Variants in RERE observed in about 807,000 individuals in gnomAD.
The protein encoded by RERE is arginine-glutamic acid dipeptide repeats.
Under a neutral mutation model 146.1 loss-of-function variants are expected in RERE, and 40 were observed. The ratio of observed to expected loss-of-function variants is 0.27; its 90% CI spans 0.21 to 0.36. RERE has a LOEUF of 0.36. RERE is among the 10% of genes least tolerant of loss of function. RERE has a pLI of 1.00. For missense variants in RERE, 1,933 were observed against 2,138.7 expected (o/e 0.90, Z 1.90); for synonymous variants, 1,003 against 866.0 (o/e 1.16, Z -2.78).
intron 7 of RERE, among the ~76,000 whole-genome samples, chr1:8,528,715 C>T (rs760096173): frequency 2.0e-5 from 3 of 152,070 alleles, no homozygotes; most frequent in Non-Finnish European, 4.4e-5. Context: ...AATTCCCCCT[C>T]CCCCACCAAA....
chr1:8,653,247 G>A (rs1280772809), intron 2 of RERE, among the ~76,000 whole-genome samples: 4 of 152,108 alleles, frequency 2.6e-5, no homozygotes, highest in Admixed American at 6.5e-5. Flanking sequence ...CCAGAATAAC[G>A]TTCCATATTA....
intron 3 of RERE, among the ~76,000 whole-genome samples, chr1:8,618,768 T>G (rs1423485646): frequency 6.6e-6 from 1 of 152,236 alleles, no homozygotes; most frequent in East Asian, 1.9e-4. Context: ...TAATAAGACA[T>G]AATTACTCAT....
intron 11 of RERE, among the ~76,000 whole-genome samples, chr1:8,426,143 C>G (rs1367668264): frequency 6.6e-6 from 1 of 152,124 alleles, no homozygotes; most frequent in Non-Finnish European, 1.5e-5. Flanking sequence ...ATCATAAAGT[C>G]CTCAGTATTC....
chr1:8,678,509 A>G (rs1405180873), intron 1 of RERE, among the ~76,000 whole-genome samples: 1 of 150,540 alleles, frequency 6.6e-6, no homozygotes, highest in Non-Finnish European at 1.5e-5. Flanking sequence ...AAAATTAGCC[A>G]GGCATGGTGG....
intron 10 of RERE, among the ~76,000 whole-genome samples, chr1:8,492,851 A>C (rs1345253332): frequency 6.6e-6 from 1 of 152,228 alleles, no homozygotes; most frequent in Non-Finnish European, 1.5e-5. Context: ...TTGAGGCTGC[A>C]GTGAGCCAAG....
At position 8,436,003 on chromosome 1, in the gene RERE, C is replaced by G. The variant is rs531459492; in HGVS notation, c.1204-13196G>C. Among the ~76,000 whole-genome samples the G allele has an allele frequency of 6.8e-4, 104 of 152,288 alleles. 1 individual carries two copies. The highest frequency in any genetic ancestry group is 1.1e-3 in the Non-Finnish European group (73 of 68,028). On this transcript the variant is annotated intron_variant, in intron 11 of 22. Transcript: ENST00000400908. ...CCAAATGCCTCTTGCCAATTATGGCCACACAGCTACGCCCAAATTAAAAAT... is the reference window on the plus strand; with the variant it reads ...CCAAATGCCTCTTGCCAATTATGGCGACACAGCTACGCCCAAATTAAAAAT...
At chr1:8,455,432 A>G (rs1644442743) in intron 11 of RERE, among the ~76,000 whole-genome samples, 1 of 152,092 alleles carries the variant, frequency 6.6e-6, no homozygotes, top group African/African-American at 2.4e-5. Context: ...TCATTCTCCC[A>G]TAATAGAACA....
chr1:8,742,546 A>G (rs991479597), intron 1 of RERE, among the ~76,000 whole-genome samples: 13 of 152,180 alleles, frequency 8.5e-5, no homozygotes, highest in African/African-American at 2.9e-4. Flanking sequence ...AACCACCAGC[A>G]GTGCTGGCTC....
At chr1:8,393,350 G>C (rs921123050) in intron 12 of RERE, among the ~76,000 whole-genome samples, 1 of 152,150 alleles carries the variant, frequency 6.6e-6, no homozygotes. Flanking sequence ...CGTGGCCTGT[G>C]TGACTGGGGG....
intron 4 of RERE, 116 bp from the exon 5 acceptor site, chr1:8,557,639 C>A (rs1397523272): frequency 4.3e-6 from 3 of 693,646 alleles, no homozygotes; most frequent in East Asian, 2.7e-5. Context: ...GGGAGAGACA[C>A]AATTACCATC....
intron 1 of RERE, among the ~76,000 whole-genome samples, chr1:8,701,478 CACAAA>C (rs1237837982): frequency 3.9e-5 from 6 of 152,096 alleles, no homozygotes; most frequent in Non-Finnish European, 8.8e-5. Context: ...ATGCAAAAAC[CACAAA>C]ACAAGACAAA....
intron 2 of RERE, among the ~76,000 whole-genome samples, chr1:8,641,232 T>C (rs1647172104): frequency 6.6e-6 from 1 of 152,190 alleles, no homozygotes; most frequent in African/African-American, 2.4e-5. Flanking sequence ...AATACCACCA[T>C]GCCACTTCAA....
chr1:8,487,874 C>T (rs939751139), intron 10 of RERE, among the ~76,000 whole-genome samples: 2 of 152,062 alleles, frequency 1.3e-5, no homozygotes, highest in African/African-American at 4.8e-5. Flanking sequence ...ACAGAATCCT[C>T]AAACAGGAAA....
chr1:8,529,486 G>T (rs1006720859), intron 7 of RERE, among the ~76,000 whole-genome samples: 1 of 150,026 alleles, frequency 6.7e-6, no homozygotes, highest in East Asian at 1.9e-4. Context: ...TTTTTTAGCA[G>T]AGACAGGGTT....
chr1:8,584,764 TTTTA>T (rs1646406767), intron 4 of RERE, among the ~76,000 whole-genome samples: 1 of 152,202 alleles, frequency 6.6e-6, no homozygotes. Flanking sequence ...AACAAAAATT[TTTTA>T]TTTTACTGTT....
At chr1:8,630,507 A>C (rs1047412267) in intron 2 of RERE, among the ~76,000 whole-genome samples, 5 of 152,182 alleles carry the variant, frequency 3.3e-5, no homozygotes, top group African/African-American at 1.2e-4. Context: ...AAATAACTCG[A>C]TTGCCAGGTA....
chr1:8,548,096 A>G (rs1211653309), intron 6 of RERE, among the ~76,000 whole-genome samples: 3 of 152,248 alleles, frequency 2.0e-5, no homozygotes. Context: ...GCAAAGTACA[A>G]AAGACCATCT....
chr1:8,413,668 C>A (rs150956153), intron 12 of RERE, among the ~76,000 whole-genome samples: 18 of 152,222 alleles, frequency 1.2e-4, no homozygotes, highest in Non-Finnish European at 2.5e-4. Context: ...GAGGGTGGAA[C>A]AAAACCCAAC....
Position 8,359,916 on chromosome 1 carries a change from C to G in RERE, c.3466G>C (p.Gly1156Arg). 6.2e-7 allele frequency: 1 copy of G among 1,613,374 alleles called. No individual in the cohort carries two copies. Among genetic ancestry groups the G allele is most frequent in the East Asian group, 2.2e-5 (1 of 44,868 alleles). Residue 1156 changes from glycine to arginine, a missense_variant, in exon 19 of 23, where the codon GGG becomes CGG. Physicochemically the swap from Gly to Arg is moderately radical, Grantham distance 125 (BLOSUM62 -2). This residue lies in a region of RERE where 1,255 missense variants were observed against 1,153.8 expected (regional missense o/e 1.09). Transcript: ENST00000400908. ...RTDLYFMPLA[G>R]SKLAKKREEA... ...TCCCTCTTCTTGGCCAGCTTGGACC[C>G]GGCCAGAGGCATGAAGTACAGGTCT...
Sources: allele counts gnomAD v4.1 joint callset (sites outside exome capture counted in the v4.1 genomes callset), GRCh38; gene constraint gnomAD v4.1.1; regional missense constraint gnomAD v4.1.1; transcripts MANE v1.5; gene names NCBI Gene and HGNC (gene_info 2026-07-23, HGNC 2026-07-21).